Variants in LRRK2 observed in about 807,000 individuals in gnomAD.
LRRK2 encodes leucine rich repeat kinase 2.
A neutral mutation model predicts 302.6 loss-of-function variants in LRRK2; 203 were observed. The observed-to-expected ratio is 0.67, with a 90% CI of 0.60 to 0.75. The LOEUF (loss-of-function observed/expected upper bound fraction) is 0.75. Among genes scored for constraint, LRRK2 ranks in the 30% least tolerant of loss-of-function variants. The pLI, the probability that LRRK2 is intolerant of heterozygous loss-of-function variation, is 0.00. For missense variants in LRRK2, 2,830 were observed against 2,951.0 expected (o/e 0.96, Z 0.95); for synonymous variants, 1,066 against 1,031.9 (o/e 1.03, Z -0.63).
intron 28 of LRRK2, among the ~76,000 whole-genome samples, chr12:40,307,869 C>T (rs1254854594): frequency 6.8e-6 from 1 of 147,626 alleles, no homozygotes; most frequent in Non-Finnish European, 1.5e-5. Context: ...GCAACCTCTG[C>T]CTCTTGGCTT....
In LRRK2 at chr12:40,354,372, C is replaced by G; in HGVS notation, c.6650C>G (p.Ser2217Cys). Residue 2217 changes from serine (S) to cysteine (C), a missense_variant, in exon 45 of 51, where the codon TCT (serine) becomes TGT (cysteine). This residue lies in a region of LRRK2 where 456 missense variants were observed against 456.3 expected (regional missense o/e 1.00). Coordinates refer to ENST00000298910, the MANE Select transcript of LRRK2 (RefSeq NM_198578.4). ...LPVEKESWIVSGTQSGTLLVI... is the reference protein window; with the variant it reads ...LPVEKESWIVCGTQSGTLLVI... ...GTTGAAAAGGAAAGCTGGATTGTGT[C>G]TGGGACACAGTCTGGTACTCTCCTG... 1 of 1,614,050 alleles carries G rather than the reference C, an allele frequency of 6.2e-7. No homozygotes were observed. Among genetic ancestry groups the G allele is most frequent in the African/African-American group, 1.3e-5 (1 of 75,018 alleles).
At chr12:40,235,793 G>GTGTGTGTT (rs1555173379) in intron 4 of LRRK2, 79 bp downstream of exon 4, 1 of 391,094 alleles carries the variant, frequency 2.6e-6, no homozygotes, top group African/African-American at 2.6e-5. Flanking sequence ...GTGTGTGTGT[G>GTGTGTGTT]TTTTTTTTTT....
intron 40 of LRRK2, among the ~76,000 whole-genome samples, chr12:40,336,936 T>C (rs1318309680): frequency 3.9e-5 from 6 of 152,218 alleles, no homozygotes; most frequent in Non-Finnish European, 4.4e-5. Context: ...TTAACACTGT[T>C]CGAAACACCT....
chr12:40,353,094 C>T (rs958146933), intron 44 of LRRK2, among the ~76,000 whole-genome samples: 1 of 151,276 alleles, frequency 6.6e-6, no homozygotes, highest in African/African-American at 2.4e-5. Flanking sequence ...GGGCTGCCCC[C>T]CACCTCCCGG....
chr12:40,292,390 A>C (rs1944193884), intron 20 of LRRK2, among the ~76,000 whole-genome samples: 1 of 152,028 alleles, frequency 6.6e-6, no homozygotes, highest in Admixed American at 6.6e-5. Context: ...AACTCTCTTC[A>C]AGTATTTTTC....
chr12:40,299,301 T>C (rs756283301), intron 25 of LRRK2, 44 bp downstream of exon 25: 9 of 1,604,870 alleles, frequency 5.6e-6, no homozygotes, highest in Non-Finnish European at 7.7e-6. Flanking sequence ...GCCCTCTAAG[T>C]TGTACAAGAT....
At position 40,364,900 on chromosome 12, in the gene LRRK2, G is replaced by A; in HGVS notation, c.7240G>A (p.Val2414Met). The A allele has an allele frequency of 2.5e-6, 4 of 1,612,478 alleles. No homozygotes were observed. The highest frequency in any genetic ancestry group is 3.4e-6 in the Non-Finnish European group (4 of 1,179,012). The change falls in exon 49 of 51, where the codon GTG becomes ATG. Residue 2414 changes from valine (V) to methionine (M), a missense_variant. This residue lies in a region of LRRK2 where 456 missense variants were observed against 456.3 expected (regional missense o/e 1.00). Transcript: ENST00000298910. ...SKHKMSYSGR[V>M]KTLCLQKNTA... ...ACACAAAATGTCTTATTCTGGGAGA[G>A]TGAAAACCCTCTGCCTTCAGAAGAA... is the stretch of plus-strand genomic sequence containing the variant.
At chr12:40,236,363 G>C (rs1941466386) in intron 4 of LRRK2, among the ~76,000 whole-genome samples, 1 of 152,088 alleles carries the variant, frequency 6.6e-6, no homozygotes, top group Non-Finnish European at 1.5e-5. Flanking sequence ...AGTTGCTTTG[G>C]CCACTAAGAG....
chr12:40,363,551 T>G lies in LRRK2; in HGVS notation c.7178T>G (p.Leu2393Ter), dbSNP rs1946781736. The G allele has an allele frequency of 6.2e-7, 1 of 1,611,188 alleles. No homozygotes were observed. The highest frequency in any genetic ancestry group is 2.2e-5 in the East Asian group (1 of 44,748). The part of the protein sequence containing the change: ...LCGLIDCVHF[L>*]REVMVKENKE... ...GGACTAATAGACTGCGTGCACTTTT[T>G]AAGGTAAATTCTGTGGTTTTTAATT... Residue 2393 changes from leucine (L) to a stop codon, truncating the protein, a stop_gained, in exon 48 of 51, where the codon TTA (leucine) becomes TGA (stop). Transcript: ENST00000298910. LOFTEE classifies it high-confidence loss of function.
chr12:40,350,400 G>A (rs1946315683), intron 43 of LRRK2, among the ~76,000 whole-genome samples: 2 of 152,116 alleles, frequency 1.3e-5, no homozygotes, highest in South Asian at 4.2e-4. Context: ...ATTCCTTATG[G>A]TGTCAGATCT....
At chr12:40,329,666 ATTG>A in intron 39 of LRRK2, among the ~76,000 whole-genome samples, 1 of 152,200 alleles carries the variant, frequency 6.6e-6, no homozygotes, top group East Asian at 1.9e-4. Flanking sequence ...TGGATTCTCT[ATTG>A]TTATGTATTT....
chr12:40,322,068 G>C lies in LRRK2; in HGVS notation c.5204G>C (p.Arg1735Pro), dbSNP rs779100383. 1 of 1,613,332 alleles carries C rather than the reference G, an allele frequency of 6.2e-7. No homozygotes were observed. The highest frequency in any genetic ancestry group is 8.5e-7 in the Non-Finnish European group (1 of 1,179,508). ...CTTCGCCCAAACAGAATGTATTGGC[G>C]ACAAGGCATTTACTTAAATTGGTCT... ...RALRPNRMYW[R>P]QGIYLNWSPE... The change falls in exon 36 of 51, where the codon CGA becomes CCA. Residue 1735 changes from arginine to proline, a missense_variant. Arg to Pro is a moderately radical substitution (Grantham distance 103). Around this residue, in one of 3 missense-constraint regions of LRRK2, gnomAD observed 2,121 missense variants for 2,148.0 expected, o/e 0.99. Transcript: ENST00000298910.
At chr12:40,292,271 T>C (rs1199746303) in intron 20 of LRRK2, among the ~76,000 whole-genome samples, 1 of 152,128 alleles carries the variant, frequency 6.6e-6, no homozygotes, top group African/African-American at 2.4e-5. Context: ...AGTCCTATGC[T>C]GTCTGTTGCC....
intron 48 of LRRK2, among the ~76,000 whole-genome samples, chr12:40,363,866 G>A (rs1222149644): frequency 6.6e-6 from 1 of 152,004 alleles, no homozygotes; most frequent in Non-Finnish European, 1.5e-5. Flanking sequence ...TTCTGTCACA[G>A]TGTCAAATAT....
chr12:40,297,677 A>C (rs1057056013), intron 23 of LRRK2, among the ~76,000 whole-genome samples: 3 of 152,140 alleles, frequency 2.0e-5, no homozygotes, highest in African/African-American at 7.2e-5. Flanking sequence ...AAGTTTTAAA[A>C]AATTGACATA....
chr12:40,252,559 A>T (rs1015465324), intron 10 of LRRK2, among the ~76,000 whole-genome samples: 6 of 152,156 alleles, frequency 3.9e-5, no homozygotes, highest in African/African-American at 1.4e-4. Flanking sequence ...TACGTTATAC[A>T]TCTTTAAAAC....
Position 40,249,922 on chromosome 12 carries a change from C to G in LRRK2, c.935C>G (p.Ala312Gly). The G allele has an allele frequency of 1.2e-6, 2 of 1,613,758 alleles. No individual in the cohort carries two copies. Among genetic ancestry groups the G allele is most frequent in the Non-Finnish European group, 1.7e-6 (2 of 1,179,802 alleles). The change falls in exon 8 of 51, where the codon GCG becomes GGG. Residue 312 changes from alanine to glycine, a missense_variant. Ala to Gly is a moderately conservative substitution (Grantham distance 60). This residue lies in a region of LRRK2 where 2,121 missense variants were observed against 2,148.0 expected (regional missense o/e 0.99). Transcript: ENST00000298910. ...GAGAATGCAGCATTGCAGATCTCAG[C>G]GCTCAGCTGTTTGGCCCTCCTCAGT... ...YPENAALQIS[A>G]LSCLALLTET...
intron 31 of LRRK2, among the ~76,000 whole-genome samples, chr12:40,310,883 G>A (rs578190192): frequency 2.6e-5 from 4 of 152,190 alleles, no homozygotes; most frequent in Admixed American, 6.6e-5. Context: ...CTAAGAGACC[G>A]TTTCTGGGAT....
At chr12:40,287,325 G>T in intron 19 of LRRK2, 26 bp from the exon 20 acceptor site, 1 of 1,586,264 alleles carries the variant, frequency 6.3e-7, no homozygotes, top group East Asian at 2.3e-5. Flanking sequence ...TGATTTCTAA[G>T]TTGCTGGTGT....
Sources: gnomAD v4.1 joint callset for allele counts (sites outside exome capture counted in the v4.1 genomes callset) on GRCh38, gnomAD v4.1.1 for gene constraint, gnomAD v4.1.1 regional missense constraint, MANE v1.5 for transcripts, NCBI Gene and HGNC (gene_info 2026-07-23, HGNC 2026-07-21) for gene names.